Variants in AFF4 observed in about 807,000 individuals in gnomAD.
The protein encoded by AFF4 is ALF transcription elongation factor 4.
AFF4 carries 13 observed loss-of-function variants against 124.8 expected under a neutral mutation model. That is an observed-to-expected ratio of 0.10 (90% CI 0.07 to 0.17). AFF4 has a LOEUF of 0.17. Ranked by LOEUF, AFF4 falls within the 10% of genes least tolerant of loss-of-function variation. AFF4 has a pLI of 1.00. For missense variants in AFF4, 1,092 were observed against 1,403.8 expected, an observed-to-expected ratio of 0.78 and a Z score of 3.55; for synonymous variants, 477 against 496.1, an observed-to-expected ratio of 0.96 and a Z score of 0.51.
chr5:132,944,802 C>T (rs1043611830), intron 1 of AFF4, among the ~76,000 whole-genome samples: 7 of 151,568 alleles, frequency 4.6e-5, no homozygotes, highest in Non-Finnish European at 8.8e-5. Context: ...TGGTGGCAGG[C>T]GCCTGTAATC....
intron 1 of AFF4, among the ~76,000 whole-genome samples, chr5:132,954,561 T>C (rs1761912100): frequency 6.7e-6 from 1 of 149,196 alleles, no homozygotes; most frequent in Admixed American, 6.6e-5. Context: ...TTTTTTTTTT[T>C]TTTTGAGACG....
intron 1 of AFF4, among the ~76,000 whole-genome samples, chr5:132,944,231 G>C (rs2150106152): frequency 6.6e-6 from 1 of 152,164 alleles, no homozygotes; most frequent in South Asian, 2.1e-4. Context: ...CAGCTACTCG[G>C]GAGGCTGAGG....
intron 1 of AFF4, among the ~76,000 whole-genome samples, chr5:132,955,796 ATATATAT>A (rs1235404620): frequency 4.0e-5 from 4 of 98,804 alleles, no homozygotes; most frequent in Non-Finnish European, 8.0e-5. Context: ...AAAAAAAAAA[ATATATAT>A]ATATATATAT....
chr5:132,928,539 T>C (rs866894674), intron 4 of AFF4, among the ~76,000 whole-genome samples: 57 of 152,284 alleles, frequency 3.7e-4, no homozygotes, highest in African/African-American at 1.3e-3. Context: ...AATATGACCA[T>C]AGACTACTAT....
chr5:132,898,105 A>G (rs1760454466), intron 10 of AFF4, 125 bp downstream of exon 10: 1 of 1,249,586 alleles, frequency 8.0e-7, no homozygotes, highest in African/African-American at 1.5e-5. Context: ...ACACAGTACA[A>G]TTTCTTTTTG....
chr5:132,935,758 GAA>G (rs765780057), intron 2 of AFF4, among the ~76,000 whole-genome samples: 2 of 106,180 alleles, frequency 1.9e-5, no homozygotes, highest in African/African-American at 3.5e-5. Context: ...CTCCATCTCC[GAA>G]AAAAAAAAAA....
chr5:132,955,947 T>C (rs966972575), intron 1 of AFF4, among the ~76,000 whole-genome samples: 6 of 143,642 alleles, frequency 4.2e-5, no homozygotes, highest in African/African-American at 1.3e-4. Context: ...TACTATATAG[T>C]ATAGTATATA....
chr5:132,896,024 T>C (rs947377296), intron 11 of AFF4, among the ~76,000 whole-genome samples: 8 of 152,338 alleles, frequency 5.3e-5, no homozygotes, highest in African/African-American at 1.9e-4. Context: ...GTTGAGAATG[T>C]TGCAAATGCC....
intron 1 of AFF4, among the ~76,000 whole-genome samples, chr5:132,954,083 G>T (rs1207116754): frequency 6.6e-6 from 1 of 152,098 alleles, no homozygotes; most frequent in Non-Finnish European, 1.5e-5. Context: ...CTTGAACACA[G>T]TGTGCATTCC....
At chr5:132,893,894 G>A (rs1760324432) in intron 11 of AFF4, among the ~76,000 whole-genome samples, 1 of 152,102 alleles carries the variant, frequency 6.6e-6, no homozygotes, top group Non-Finnish European at 1.5e-5. Context: ...TTATAGATTT[G>A]CCTATTCTAG....
intron 1 of AFF4, among the ~76,000 whole-genome samples, chr5:132,962,902 G>A (rs1762112522): frequency 6.6e-6 from 1 of 151,478 alleles, no homozygotes; most frequent in East Asian, 1.9e-4. Flanking sequence ...GCCAGAATCT[G>A]GGCCTATTTT....
At chr5:132,936,665 T>C (rs1761438660) in intron 2 of AFF4, among the ~76,000 whole-genome samples, 1 of 152,152 alleles carries the variant, frequency 6.6e-6, no homozygotes, top group African/African-American at 2.4e-5. Context: ...AATGGTGAAG[T>C]ACCCGCCGAT....
intron 5 of AFF4, among the ~76,000 whole-genome samples, chr5:132,910,925 A>T (rs568629863): frequency 6.6e-6 from 1 of 152,260 alleles, no homozygotes; most frequent in South Asian, 2.1e-4. Flanking sequence ...GGCAATCAAA[A>T]TCTTTAATAT....
chr5:132,920,405 G>A (rs147101110), intron 5 of AFF4, among the ~76,000 whole-genome samples: 37 of 148,178 alleles, frequency 2.5e-4, no homozygotes, highest in African/African-American at 8.6e-4. Context: ...CACCTAGGCT[G>A]GAGTGCAGTG....
At chr5:132,915,671 G>T (rs553779391) in intron 5 of AFF4, among the ~76,000 whole-genome samples, 2 of 148,852 alleles carry the variant, frequency 1.3e-5, no homozygotes, top group Non-Finnish European at 3.0e-5. Context: ...AGGTTCAAGC[G>T]ATTCTCCTGC....
At chr5:132,897,960 C>T (rs1178376263) in intron 10 of AFF4, among the ~76,000 whole-genome samples, 1 of 152,086 alleles carries the variant, frequency 6.6e-6, no homozygotes, top group African/African-American at 2.4e-5. Flanking sequence ...ACATCAATTA[C>T]CATGTTGAGT....
intron 1 of AFF4, among the ~76,000 whole-genome samples, chr5:132,952,908 C>CAA (rs148356119): frequency 2.5e-3 from 378 of 150,076 alleles, no homozygotes; most frequent in African/African-American, 7.1e-3. Context: ...AAACAAAAAA[C>CAA]AAAAAAAAAC....
At chr5:132,896,215 T>A in intron 11 of AFF4, 108 bp downstream of exon 11, 1 of 1,355,656 alleles carries the variant, frequency 7.4e-7, no homozygotes, top group Non-Finnish European at 1.0e-6. Context: ...TACCCACTAT[T>A]TTCCTTCACA....
chr5:132,962,957 G>C (rs755960004), intron 1 of AFF4, among the ~76,000 whole-genome samples: 49 of 152,180 alleles, frequency 3.2e-4, no homozygotes, highest in Non-Finnish European at 6.0e-4. Context: ...ATATGAAAAA[G>C]TAACAAATCA....
Sources: gnomAD v4.1 joint callset for allele counts (sites outside exome capture counted in the v4.1 genomes callset) on GRCh38, gnomAD v4.1.1 for gene constraint, MANE v1.5 for transcripts, NCBI Gene and HGNC (gene_info 2026-07-23, HGNC 2026-07-21) for gene names.